PTPRG: variants seen among roughly 807,000 people sequenced by gnomAD.
PTPRG encodes the protein receptor-type tyrosine-protein phosphatase gamma.
PTPRG carries 102 observed loss-of-function variants against 165.3 expected under a neutral mutation model. That is an observed-to-expected ratio of 0.62 (90% CI 0.53 to 0.73). The LOEUF is 0.73. Ranked by LOEUF, PTPRG falls within the 30% of genes least tolerant of loss-of-function variation. PTPRG has a pLI of 0.00. For synonymous variants in PTPRG, 675 were observed against 669.5 expected, an observed-to-expected ratio of 1.01 and a Z score of -0.13; for missense variants, 1,866 against 1,861.4, an observed-to-expected ratio of 1.00 and a Z score of -0.05.
chr3:62,066,523 T>C (rs971340325), intron 4 of PTPRG, among the ~76,000 whole-genome samples: 52 of 152,154 alleles, frequency 3.4e-4, no homozygotes, highest in Non-Finnish European at 6.8e-4. Context: ...GCACAAACAC[T>C]GTGGTAGTGA....
chr3:61,610,622 T>C (rs1057004462), intron 1 of PTPRG, among the ~76,000 whole-genome samples: 1 of 152,252 alleles, frequency 6.6e-6, no homozygotes, highest in Non-Finnish European at 1.5e-5. Context: ...TCAACACTAA[T>C]GCATATGCAG....
intron 1 of PTPRG, among the ~76,000 whole-genome samples, chr3:61,626,321 T>C (rs1195039030): frequency 6.6e-6 from 1 of 152,152 alleles, no homozygotes; most frequent in Non-Finnish European, 1.5e-5. Context: ...CCCTTAGCAG[T>C]GATAGTAGAA....
At chr3:61,734,296 A>C (rs1559580783) in intron 1 of PTPRG, among the ~76,000 whole-genome samples, 1 of 152,082 alleles carries the variant, frequency 6.6e-6, no homozygotes, top group African/African-American at 2.4e-5. Flanking sequence ...TTTTGGTTCC[A>C]TTATGTTAAA....
In PTPRG at chr3:62,060,474, T is replaced by C. The variant is rs146071728; in HGVS notation, c.520-17689T>C. Among the ~76,000 whole-genome samples the C allele has an allele frequency of 3.9e-4, 59 of 152,316 alleles. 3 individuals are homozygous for C. Among genetic ancestry groups the C allele is most frequent in the East Asian group, 1.5e-3 (8 of 5,174 alleles). On this transcript the variant is annotated intron_variant, in intron 4 of 29. Coordinates refer to ENST00000474889, the MANE Select transcript of PTPRG (RefSeq NM_002841.4). ...CTGGAGGAGCAAGAAGCGTTCTCTT[T>C]CCTCATCAGGATGCCAGTTACGTGG...
intron 5 of PTPRG, among the ~76,000 whole-genome samples, chr3:62,110,505 A>G (rs1559518360): frequency 6.6e-6 from 1 of 151,990 alleles, no homozygotes; most frequent in African/African-American, 2.4e-5. Flanking sequence ...TTTATTCAGT[A>G]ACGTCTGCAG....
intron 4 of PTPRG, among the ~76,000 whole-genome samples, chr3:62,046,044 C>T (rs187630477): frequency 6.6e-5 from 10 of 151,716 alleles, no homozygotes; most frequent in South Asian, 2.1e-4. Context: ...GTGAGGTGGT[C>T]GCACAAAGCA....
intron 6 of PTPRG, among the ~76,000 whole-genome samples, chr3:62,135,989 C>G (rs973756332): frequency 2.6e-5 from 4 of 152,154 alleles, no homozygotes; most frequent in Admixed American, 6.5e-5. Context: ...TGGGCAGATC[C>G]TGGAGGTGCA....
At chr3:61,985,992 A>G (rs2040751523) in intron 2 of PTPRG, among the ~76,000 whole-genome samples, 1 of 152,228 alleles carries the variant, frequency 6.6e-6, no homozygotes. Flanking sequence ...CCTGAAGTTG[A>G]CATCCTGGCT....
intron 1 of PTPRG, among the ~76,000 whole-genome samples, chr3:61,651,365 C>CTT (rs11372460): frequency 0.018 from 2,722 of 147,582 alleles, 86 homozygotes; most frequent in African/African-American, 0.06. Context: ...TGTTAATAAT[C>CTT]TTTTTTTTTT....
chr3:61,634,471 C>G (rs990496299), intron 1 of PTPRG, among the ~76,000 whole-genome samples: 1 of 151,876 alleles, frequency 6.6e-6, no homozygotes, highest in Non-Finnish European at 1.5e-5. Context: ...AACTCCTGAC[C>G]TCACGATCTG....
At chr3:61,576,686 G>A (rs192587153) in intron 1 of PTPRG, among the ~76,000 whole-genome samples, 2 of 152,286 alleles carry the variant, frequency 1.3e-5, no homozygotes, top group Admixed American at 1.3e-4. Flanking sequence ...AAAGAGAGGT[G>A]TATCCAAGTG....
intron 1 of PTPRG, among the ~76,000 whole-genome samples, chr3:61,583,389 T>G (rs1700352246): frequency 6.6e-6 from 1 of 152,192 alleles, no homozygotes; most frequent in Admixed American, 6.5e-5. Context: ...CTTTGTGTCC[T>G]CAGGCCCCAG....
intron 4 of PTPRG, among the ~76,000 whole-genome samples, chr3:62,043,735 A>G (rs534948884): frequency 6.6e-6 from 1 of 152,298 alleles, no homozygotes; most frequent in East Asian, 1.9e-4. Context: ...TGCCAGGTTT[A>G]TGATTGTTAA....
rs72888663 is a variant in PTPRG, at chr3:61,578,010, G to A, written c.85+15638G>A. ...TGGAGGAGTAAATGAGGTAAACCAT[G>A]TAAGGCATTTGGCACAGGCCTTGGC... On this transcript the variant is annotated intron_variant, in intron 1 of 29. Coordinates refer to ENST00000474889, the MANE Select transcript of PTPRG (RefSeq NM_002841.4). Among the ~76,000 whole-genome samples, 849 of 152,350 alleles carry A rather than the reference G, an allele frequency of 5.6e-3. 7 individuals are homozygous for A. Among genetic ancestry groups the A allele is most frequent in the African/African-American group, 0.019 (801 of 41,576 alleles).
chr3:62,253,328 T>G (rs2106979580), intron 15 of PTPRG, among the ~76,000 whole-genome samples: 1 of 152,334 alleles, frequency 6.6e-6, no homozygotes, highest in East Asian at 1.9e-4. Context: ...AACTTATTAC[T>G]CTGCTAAATA....
intron 16 of PTPRG, among the ~76,000 whole-genome samples, chr3:62,258,090 G>A (rs1269883736): frequency 1.3e-5 from 2 of 152,042 alleles, no homozygotes; most frequent in Non-Finnish European, 1.5e-5. Flanking sequence ...AAAGTGGGGA[G>A]AGCAGCCAAA....
At chr3:62,244,114 A>T (rs1248476693) in intron 15 of PTPRG, among the ~76,000 whole-genome samples, 3 of 152,238 alleles carry the variant, frequency 2.0e-5, no homozygotes, top group Admixed American at 6.5e-5. Flanking sequence ...CCGTACAAAA[A>T]CATTCTTAGT....
At chr3:61,857,579 T>C (rs899566284) in intron 2 of PTPRG, among the ~76,000 whole-genome samples, 1 of 152,100 alleles carries the variant, frequency 6.6e-6, no homozygotes, top group African/African-American at 2.4e-5. Context: ...ATTTCAAGGG[T>C]TTAAAAGGTC....
chr3:62,203,091 C>T lies in PTPRG; in HGVS notation c.1378-82C>T, dbSNP rs1381673502. On this transcript the variant is annotated intron_variant, in intron 11 of 29. Coordinates refer to ENST00000474889, the MANE Select transcript of PTPRG (RefSeq NM_002841.4). This position sits in a 1 kb window ranked among gnomAD's most constrained non-coding sequence, Gnocchi z 6.4. ...CCTCAGAGGGTGACAACCAGGGCCT[C>T]ATTCCCAATCTCAATTACTGATGCT... is the stretch of plus-strand genomic sequence containing the variant. 12 of 1,514,260 alleles carry T rather than the reference C, an allele frequency of 7.9e-6. No homozygotes were observed. Among genetic ancestry groups the T allele is most frequent in the Non-Finnish European group, 1.1e-5 (12 of 1,131,842 alleles). The allele number at this position is 1,514,260 out of a possible 1,614,324, so 93.8% of individuals were successfully genotyped here. A position where few individuals can be genotyped will look rare whatever the true frequency, so the allele number is the denominator to read the frequency against.
Sources: allele counts gnomAD v4.1 joint callset (sites outside exome capture counted in the v4.1 genomes callset), GRCh38; gene constraint gnomAD v4.1.1; non-coding constraint Gnocchi (gnomAD v3.1); transcripts MANE v1.5; gene names NCBI Gene and HGNC (gene_info 2026-07-23, HGNC 2026-07-21).